The following GNG7 variants were observed in gnomAD, a reference collection of about 807,000 sequenced individuals.
GNG7 encodes the protein G protein subunit gamma 7.
GNG7 carries 1 observed loss-of-function variant against 4.0 expected under a neutral mutation model. The ratio of observed to expected loss-of-function variants is 0.25; its 90% CI spans 0.09 to 1.18. GNG7 has a LOEUF of 1.18. Ranked by LOEUF, GNG7 falls within the 50% of genes most tolerant of loss-of-function variation. The pLI, the probability that GNG7 is intolerant of heterozygous loss-of-function variation, is 0.50. For missense variants in GNG7, 86 were observed against 91.9 expected (o/e 0.94, Z 0.26); for synonymous variants, 34 against 36.9 (o/e 0.92, Z 0.29).
At chr19:2,686,973 C>T (rs992716109) in intron 1 of GNG7, among the ~76,000 whole-genome samples, 11 of 151,368 alleles carry the variant, frequency 7.3e-5, no homozygotes, top group African/African-American at 1.7e-4. Context: ...AGGATGGTCT[C>T]GATCTCCTGA....
chr19:2,682,321 C>T (rs991487866), intron 1 of GNG7, among the ~76,000 whole-genome samples: 4 of 152,064 alleles, frequency 2.6e-5, no homozygotes, highest in East Asian at 1.9e-4. Flanking sequence ...GGTTCCATCA[C>T]GGAGATGAAA....
At chr19:2,586,638 C>T (rs1039273572) in intron 2 of GNG7, among the ~76,000 whole-genome samples, 1 of 152,178 alleles carries the variant, frequency 6.6e-6, no homozygotes, top group Non-Finnish European at 1.5e-5. Flanking sequence ...CACACACGCA[C>T]GCAAGCATCC....
intron 1 of GNG7, among the ~76,000 whole-genome samples, chr19:2,680,118 C>T (rs1209839800): frequency 1.3e-5 from 2 of 150,766 alleles, no homozygotes; most frequent in African/African-American, 4.9e-5. Flanking sequence ...TTCGAGCAGC[C>T]TGGGCATCAT....
chr19:2,618,695 G>A lies in GNG7; in HGVS notation c.-78+27529C>T, dbSNP rs1189568141. On this transcript the variant is annotated intron_variant, in intron 2 of 4. Transcript: ENST00000382159. This position sits in a 1 kb window ranked among gnomAD's most constrained non-coding sequence, Gnocchi z 5.1. ...AACAATTTTATTTGGAGTAATTTTA[G>A]ATTTACAGGAAAGTTGCAAAGAGAG... Among the ~76,000 whole-genome samples the A allele has an allele frequency of 1.3e-5, 2 of 151,794 alleles. No homozygotes were observed. Among genetic ancestry groups the A allele is most frequent in the Non-Finnish European group, 2.9e-5 (2 of 67,978 alleles).
At chr19:2,622,780 G>A (rs900976594) in intron 2 of GNG7, among the ~76,000 whole-genome samples, 1 of 145,388 alleles carries the variant, frequency 6.9e-6, no homozygotes, top group South Asian at 2.2e-4. Context: ...CAGAGAGGGA[G>A]GCTTCCGGGA....
rs193232551 is a variant in GNG7, at chr19:2,635,825, C to T, written c.-78+10399G>A. On this transcript the variant is annotated intron_variant, in intron 2 of 4. Transcript: ENST00000382159. ...CTCGAACTCCTGACCTCAAGTGATCCGCCCACCTCAGCCTCCCAAAGTGCT... is the reference window on the plus strand; with the variant it reads ...CTCGAACTCCTGACCTCAAGTGATCTGCCCACCTCAGCCTCCCAAAGTGCT... Among the ~76,000 whole-genome samples the T allele has an allele frequency of 3.3e-5, 5 of 152,192 alleles. No homozygotes were observed. In the East Asian group the frequency reaches 5.8e-4, roughly 18 times the overall value.
At chr19:2,599,163 G>T (rs1224632909) in intron 2 of GNG7, among the ~76,000 whole-genome samples, 1 of 152,132 alleles carries the variant, frequency 6.6e-6, no homozygotes, top group Non-Finnish European at 1.5e-5. Flanking sequence ...CAGACACCAC[G>T]TGGTGCTTTT....
In GNG7 at chr19:2,515,161, C is replaced by A; in HGVS notation, c.82-14G>T. On this transcript the variant is annotated splice_polypyrimidine_tract_variant and intron_variant, in intron 4 of 4. Transcript: ENST00000382159. ...CGCTTTGGAGACCTGTGTTTGAGCACAAGGAGGAGACAGAGGAGACATAAG... is the reference window on the plus strand; with the variant it reads ...CGCTTTGGAGACCTGTGTTTGAGCAAAAGGAGGAGACAGAGGAGACATAAG... 1 of 1,613,390 alleles carries A rather than the reference C, an allele frequency of 6.2e-7. No individual in the cohort carries two copies. The highest frequency in any genetic ancestry group is 1.1e-5 in the South Asian group (1 of 91,044).
chr19:2,563,878 C>T (rs986318446), intron 2 of GNG7, among the ~76,000 whole-genome samples: 1 of 152,124 alleles, frequency 6.6e-6, no homozygotes, highest in Admixed American at 6.6e-5. Flanking sequence ...CGCACCCAAA[C>T]TTCCTTGGTC....
intron 3 of GNG7, among the ~76,000 whole-genome samples, chr19:2,530,785 A>G (rs1978557610): frequency 6.6e-6 from 1 of 152,214 alleles, no homozygotes; most frequent in Non-Finnish European, 1.5e-5. Flanking sequence ...GGTTATTAAG[A>G]TAATGGAGAA....
intron 3 of GNG7, among the ~76,000 whole-genome samples, chr19:2,548,615 C>G (rs910803361): frequency 1.3e-5 from 2 of 151,450 alleles, no homozygotes; most frequent in Non-Finnish European, 2.9e-5. Flanking sequence ...GTGGTGAAAC[C>G]CCATCTCTAC....
At chr19:2,517,404 AGCCAGG>A (rs1972750809) in intron 4 of GNG7, among the ~76,000 whole-genome samples, 1 of 151,968 alleles carries the variant, frequency 6.6e-6, no homozygotes, top group Non-Finnish European at 1.5e-5. Flanking sequence ...TCACTCTGTC[AGCCAGG>A]CTGGAGTGCA....
Position 2,622,312 on chromosome 19 carries a change from CT to C in GNG7, c.-78+23911del, listed in dbSNP as rs1322207957. 2.0e-5 allele frequency among the ~76,000 whole-genome samples: 3 copies of C among 152,234 alleles called. No individual in the cohort carries two copies. In the East Asian group the frequency reaches 5.8e-4, roughly 29 times the overall value. ...GCCAGGATGGTCTCGATCTCCTGAC[CT>C]TGTGATCCGCCTGTGTCGGCCTCCC... On this transcript the variant is annotated intron_variant, in intron 2 of 4. Coordinates refer to ENST00000382159, the MANE Select transcript of GNG7 (RefSeq NM_052847.3).
At chr19:2,643,435 G>A in intron 2 of GNG7, 1 of 425,288 alleles carries the variant, frequency 2.4e-6, no homozygotes, top group Non-Finnish European at 4.6e-6. Flanking sequence ...CAAAGTCCGA[G>A]ACCTCTCCGG....
chr19:2,570,388 T>C (rs1312646063), intron 2 of GNG7, among the ~76,000 whole-genome samples: 1 of 152,120 alleles, frequency 6.6e-6, no homozygotes. Context: ...CAAAACAGAC[T>C]ATGACAGTCA....
At chr19:2,630,230 C>G (rs1369507064) in intron 2 of GNG7, among the ~76,000 whole-genome samples, 2 of 152,108 alleles carry the variant, frequency 1.3e-5, no homozygotes, top group South Asian at 2.1e-4. Context: ...GCAGGCCCCC[C>G]CTTCCCTTTG....
chr19:2,515,226 C>A, intron 4 of GNG7, 79 bp from the exon 5 acceptor site: 1 of 1,580,034 alleles, frequency 6.3e-7, no homozygotes, highest in Non-Finnish European at 8.6e-7. Context: ...GCACCATTCC[C>A]AAGAGCCACA....
At chr19:2,586,127 C>T (rs910616601) in intron 2 of GNG7, among the ~76,000 whole-genome samples, 1 of 152,174 alleles carries the variant, frequency 6.6e-6, no homozygotes, top group Non-Finnish European at 1.5e-5. Context: ...TGATGAAAAA[C>T]GGAACTCTCA....
intron 3 of GNG7, among the ~76,000 whole-genome samples, chr19:2,550,941 G>A (rs1451789704): frequency 6.6e-6 from 1 of 152,188 alleles, no homozygotes; most frequent in Non-Finnish European, 1.5e-5. Context: ...ACAGGGCCAG[G>A]GGACTTAGCC....
Sources: allele counts gnomAD v4.1 joint callset (sites outside exome capture counted in the v4.1 genomes callset), GRCh38; gene constraint gnomAD v4.1.1; non-coding constraint Gnocchi (gnomAD v3.1); transcripts MANE v1.5; gene names NCBI Gene and HGNC (gene_info 2026-07-23, HGNC 2026-07-21).